CUL5: variants seen among roughly 807,000 people sequenced by gnomAD.
CUL5 encodes the protein cullin-5.
A neutral mutation model predicts 108.8 loss-of-function variants in CUL5; 26 were observed. The ratio of observed to expected loss-of-function variants is 0.24; its 90% CI spans 0.18 to 0.33. CUL5 has a LOEUF of 0.33. Among genes scored for constraint, CUL5 ranks in the 10% least tolerant of loss-of-function variants. The pLI is 1.00. For missense variants in CUL5, 524 were observed against 909.2 expected, an observed-to-expected ratio of 0.58 and a Z score of 5.45; for synonymous variants, 334 against 298.0, an observed-to-expected ratio of 1.12 and a Z score of -1.25.
At chr11:108,069,968 A>T in intron 7 of CUL5, 128 bp from the exon 8 acceptor site, 1 of 537,628 alleles carries the variant, frequency 1.9e-6, no homozygotes, top group Non-Finnish European at 3.3e-6. Flanking sequence ...TCCTATAGTT[A>T]AGGTAAGTGA....
Position 108,106,231 on chromosome 11 carries a change from T to A in CUL5, c.*1847T>A, listed in dbSNP as rs550813562. The A allele has an allele frequency of 2.0e-5, 3 of 152,736 alleles. No individual in the cohort carries two copies. The East Asian group carries it at 5.8e-4, about 29-fold the overall frequency. 9.5% of individuals were successfully genotyped at this position (152,736 alleles called of 1,614,324 possible). The stretch of plus-strand genomic sequence containing the variant: ...GATAATTCAGCATTGGCGTATTTGC[T>A]TGTCCCAATACAAGAATGCCAAAGG... On this transcript the variant is annotated 3_prime_UTR_variant, in exon 19 of 19. Coordinates refer to ENST00000393094, the MANE Select transcript of CUL5 (RefSeq NM_003478.6).
At position 108,008,980 on chromosome 11, in the gene CUL5, G is replaced by A; in HGVS notation, c.-369G>A. On this transcript the variant is annotated 5_prime_UTR_variant, in exon 1 of 19. Coordinates refer to ENST00000393094, the MANE Select transcript of CUL5 (RefSeq NM_003478.6). Reference sequence around the variant, plus strand: ...AAGCCGAGCTAAATTCGTTGCAGGTGGCCGCGGCGGGTGCAACCACAAAGG... The same window carrying A: ...AAGCCGAGCTAAATTCGTTGCAGGTAGCCGCGGCGGGTGCAACCACAAAGG... 1 of 251,826 alleles carries A rather than the reference G, an allele frequency of 4.0e-6. No individual in the cohort carries two copies. The highest frequency in any genetic ancestry group is 7.6e-6 in the Non-Finnish European group (1 of 131,636). 15.6% of individuals were successfully genotyped at this position (251,826 alleles called of 1,614,324 possible). A position where few individuals can be genotyped will look rare whatever the true frequency, so the allele number is the denominator to read the frequency against.
At chr11:108,047,773 C>G (rs1863102592) in intron 3 of CUL5, among the ~76,000 whole-genome samples, 1 of 152,140 alleles carries the variant, frequency 6.6e-6, no homozygotes, top group African/African-American at 2.4e-5. Context: ...ACAGTTTCTA[C>G]TTGCATTGGG....
intron 2 of CUL5, among the ~76,000 whole-genome samples, chr11:108,042,681 C>T (rs761167127): frequency 6.6e-6 from 1 of 152,144 alleles, no homozygotes; most frequent in Non-Finnish European, 1.5e-5. Context: ...CACCCTTACC[C>T]TGTCCTTGAG....
chr11:108,033,521 G>A (rs550210590), intron 1 of CUL5, among the ~76,000 whole-genome samples: 3 of 152,162 alleles, frequency 2.0e-5, no homozygotes, highest in Non-Finnish European at 4.4e-5. Context: ...AACTTTCTAA[G>A]TGTCCAGAGA....
At chr11:108,023,519 T>C (rs975962285) in intron 1 of CUL5, among the ~76,000 whole-genome samples, 1 of 151,388 alleles carries the variant, frequency 6.6e-6, no homozygotes, top group African/African-American at 2.4e-5. Flanking sequence ...CCTGGGTGTC[T>C]GGTTGAAGTT....
At chr11:108,030,599 C>T (rs117277112) in intron 1 of CUL5, among the ~76,000 whole-genome samples, 8 of 152,206 alleles carry the variant, frequency 5.3e-5, no homozygotes, top group East Asian at 1.9e-4. Flanking sequence ...ATCGTGCCAC[C>T]GCGCTCCAGC....
intron 8 of CUL5, among the ~76,000 whole-genome samples, chr11:108,070,796 T>G (rs1863802614): frequency 6.6e-6 from 1 of 152,222 alleles, no homozygotes; most frequent in South Asian, 2.1e-4. Flanking sequence ...TTCCAGGTTT[T>G]ATTATATCTA....
intron 1 of CUL5, among the ~76,000 whole-genome samples, chr11:108,019,757 A>T (rs749234937): frequency 2.0e-4 from 31 of 152,282 alleles, no homozygotes; most frequent in Middle Eastern, 3.4e-3. Flanking sequence ...TGACTGTGTT[A>T]CTGGTTTATG....
chr11:108,064,778 A>G (rs1482199358), intron 7 of CUL5, among the ~76,000 whole-genome samples: 2 of 152,092 alleles, frequency 1.3e-5, no homozygotes, highest in Non-Finnish European at 2.9e-5. Flanking sequence ...TTGCATCAAT[A>G]TTCATCAGTG....
At chr11:108,059,188 A>G (rs1863474058) in intron 7 of CUL5, among the ~76,000 whole-genome samples, 1 of 152,160 alleles carries the variant, frequency 6.6e-6, no homozygotes, top group Non-Finnish European at 1.5e-5. Context: ...TTAAGCCAAA[A>G]TGACTTAAAA....
chr11:108,097,543 C>G, intron 16 of CUL5, 93 bp from the exon 17 acceptor site: 2 of 680,268 alleles, frequency 2.9e-6, no homozygotes, highest in Non-Finnish European at 5.1e-6. Flanking sequence ...TGTTTGTAAT[C>G]TTTTTCTTGC....
chr11:108,100,016 A>G (rs1054172711), intron 18 of CUL5, among the ~76,000 whole-genome samples: 1 of 151,958 alleles, frequency 6.6e-6, no homozygotes, highest in Non-Finnish European at 1.5e-5. Flanking sequence ...AACATAAAAG[A>G]TTGGTTTTTC....
rs1205710403 is a variant in CUL5 at position 108,107,210 on chromosome 11, C to A, written c.*2826C>A. 6.6e-6 allele frequency: 1 copy of A among 151,764 alleles called. No homozygotes were observed. Among genetic ancestry groups the A allele is most frequent in the Non-Finnish European group, 1.5e-5 (1 of 67,926 alleles). The allele number at this position is 151,764 out of a possible 1,614,324, so 9.4% of individuals were successfully genotyped here. A position where few individuals can be genotyped will look rare whatever the true frequency, so the allele number is the denominator to read the frequency against. On this transcript the variant is annotated 3_prime_UTR_variant, in exon 19 of 19. Coordinates refer to ENST00000393094, the MANE Select transcript of CUL5 (RefSeq NM_003478.6). ...TCTTATTTTGTGCATAAATGTTAAACCTTCCAAAAATGAAATGTTAGCTTT... is the reference window on the plus strand; with the variant it reads ...TCTTATTTTGTGCATAAATGTTAAAACTTCCAAAAATGAAATGTTAGCTTT...
chr11:108,023,553 CAAA>C (rs1396576581), intron 1 of CUL5, among the ~76,000 whole-genome samples: 21 of 150,552 alleles, frequency 1.4e-4, no homozygotes, highest in Admixed American at 1.4e-3. Context: ...AGAAAAAAAA[CAAA>C]GAATATATCC....
intron 1 of CUL5, among the ~76,000 whole-genome samples, chr11:108,010,953 T>C (rs1862044147): frequency 6.6e-6 from 1 of 152,196 alleles, no homozygotes; most frequent in South Asian, 2.1e-4. Context: ...AGTTAGAGGT[T>C]ATAGTTAACT....
At chr11:108,047,925 C>G (rs1263516481) in intron 3 of CUL5, among the ~76,000 whole-genome samples, 1 of 152,006 alleles carries the variant, frequency 6.6e-6, no homozygotes, top group Non-Finnish European at 1.5e-5. Context: ...AAAAAATATG[C>G]TGAACACTGG....
At chr11:108,074,182 CTATTT>C (rs1441913872) in intron 10 of CUL5, 2 of 144,588 alleles carry the variant, frequency 1.4e-5, no homozygotes, top group East Asian at 4.0e-4. Context: ...CTCTTTTTGT[CTATTT>C]TAATTTTTTT....
At chr11:108,022,198 T>C (rs1365938962) in intron 1 of CUL5, among the ~76,000 whole-genome samples, 1 of 152,200 alleles carries the variant, frequency 6.6e-6, no homozygotes. Context: ...TGATGTGGTA[T>C]GTTTTGTCCC....
Sources: allele counts gnomAD v4.1 joint callset (sites outside exome capture counted in the v4.1 genomes callset), GRCh38; gene constraint gnomAD v4.1.1; transcripts MANE v1.5; gene names NCBI Gene and HGNC (gene_info 2026-07-23, HGNC 2026-07-21).